BCAS3: variants seen among roughly 807,000 people sequenced by gnomAD.
BCAS3 encodes the protein BCAS4/BCAS3 fusion.
Under a neutral mutation model 116.1 loss-of-function variants are expected in BCAS3, and 53 were observed. The observed-to-expected ratio is 0.46, with a 90% CI of 0.37 to 0.57. BCAS3 has a LOEUF of 0.57. Among genes scored for constraint, BCAS3 ranks in the 20% least tolerant of loss-of-function variants. The pLI is 0.00. For missense variants in BCAS3, 917 were observed against 1,165.4 expected, an observed-to-expected ratio of 0.79 and a Z score of 3.10; for synonymous variants, 391 against 408.2, an observed-to-expected ratio of 0.96 and a Z score of 0.51.
rs530088619 is a variant in BCAS3 at position 61,333,470 on chromosome 17, C to G, written c.2426-34857C>G. 1.8e-4 allele frequency among the ~76,000 whole-genome samples: 27 copies of G among 152,192 alleles called. No homozygotes were observed. The highest frequency in any genetic ancestry group is 5.2e-4 in the Admixed American group (8 of 15,258). On this transcript the variant is annotated intron_variant, in intron 22 of 23. Coordinates refer to ENST00000407086, the MANE Select transcript of BCAS3 (RefSeq NM_017679.5). This position sits in a 1 kb window ranked among gnomAD's most constrained non-coding sequence, Gnocchi z 4.8. Reference sequence around the variant, plus strand: ...CATCACCAATAGCTCACCCTCCTGTCCACTCACATTGTGGCGCCCCCGACC... The same window carrying G: ...CATCACCAATAGCTCACCCTCCTGTGCACTCACATTGTGGCGCCCCCGACC...
intron 22 of BCAS3, among the ~76,000 whole-genome samples, chr17:61,283,761 AT>A (rs2051457055): frequency 6.6e-6 from 1 of 151,800 alleles, no homozygotes; most frequent in South Asian, 2.1e-4. Context: ...CCGTAAATTG[AT>A]TTTTTAAAAA....
rs555665552 is a variant in BCAS3, at chr17:61,151,001, GC to G, written c.2425+66439del. On this transcript the variant is annotated intron_variant, in intron 22 of 23. Coordinates refer to ENST00000407086, the MANE Select transcript of BCAS3 (RefSeq NM_017679.5). The surrounding 1 kb of genome is among the most constrained non-coding windows in gnomAD (Gnocchi z 4.8). ...TCTTTAATTCTGATAAGGCCCTGGA[GC>G]CACAGACTTCTGTGTAGCCACATCT... Among the ~76,000 whole-genome samples the G allele has an allele frequency of 6.6e-6, 1 of 152,156 alleles. No homozygotes were observed. The highest frequency in any genetic ancestry group is 1.5e-5 in the Non-Finnish European group (1 of 68,032).
chr17:61,138,519 A>C (rs2076764496), intron 22 of BCAS3, among the ~76,000 whole-genome samples: 1 of 152,244 alleles, frequency 6.6e-6, no homozygotes, highest in South Asian at 2.1e-4. Context: ...TTACTTCAAC[A>C]TTTCTGAACA....
rs1265687384 is a variant in BCAS3, at chr17:61,390,948, C to T, written c.2594-1029C>T. The stretch of plus-strand genomic sequence containing the variant: ...TCTACATATCTTGGCTTGGGGCAGG[C>T]TCCAGAGACTGCCCGGTGTGTGTGT... On this transcript the variant is annotated intron_variant, in intron 23 of 23. Coordinates refer to ENST00000407086, the MANE Select transcript of BCAS3 (RefSeq NM_017679.5). This position sits in a 1 kb window ranked among gnomAD's most constrained non-coding sequence, Gnocchi z 6.8. 2.0e-5 allele frequency: 3 copies of T among 152,222 alleles called. No individual in the cohort carries two copies. Among genetic ancestry groups the T allele is most frequent in the Non-Finnish European group, 4.4e-5 (3 of 68,054 alleles). The allele number at this position is 152,222 out of a possible 1,614,324, so 9.4% of individuals were successfully genotyped here.
chr17:60,924,321 G>C (rs2059256266), intron 12 of BCAS3, 86 bp from the exon 13 acceptor site: 2 of 1,094,994 alleles, frequency 1.8e-6, no homozygotes, highest in Admixed American at 3.6e-5. Flanking sequence ...TTGGTCAGTG[G>C]TTTGTGATGT....
In BCAS3 at chr17:61,032,083, C is replaced by A. The variant is rs1044939387; in HGVS notation, c.1638-2583C>A. Among the ~76,000 whole-genome samples the A allele has an allele frequency of 1.3e-5, 2 of 152,084 alleles. No homozygotes were observed. Among genetic ancestry groups the A allele is most frequent in the Admixed American group, 6.6e-5 (1 of 15,258 alleles). On this transcript the variant is annotated intron_variant, in intron 16 of 23. Coordinates refer to ENST00000407086, the MANE Select transcript of BCAS3 (RefSeq NM_017679.5). This position sits in a 1 kb window ranked among gnomAD's most constrained non-coding sequence, Gnocchi z 4.6. ...TCAAAAAACTAAATTGACGTCCTCT[C>A]ATTTTTCTACTTTTTATTATCATGT...
Position 61,307,905 on chromosome 17 carries a change from C to T in BCAS3, c.2426-60422C>T, listed in dbSNP as rs569361810. Among the ~76,000 whole-genome samples the T allele has an allele frequency of 2.0e-5, 3 of 151,832 alleles. No individual in the cohort carries two copies. The Middle Eastern group carries it at 0.01, about 516-fold the overall frequency. On this transcript the variant is annotated intron_variant, in intron 22 of 23. Coordinates refer to ENST00000407086, the MANE Select transcript of BCAS3 (RefSeq NM_017679.5). The surrounding 1 kb of genome is among the most constrained non-coding windows in gnomAD (Gnocchi z 4.7). ...TCTAACACAAATAATGTTACGTGAG[C>T]AACCCCAAACAGTATACACCTTGAC...
At position 61,105,447 on chromosome 17, in the gene BCAS3, A is replaced by G. The variant is rs1035664932; in HGVS notation, c.2425+20883A>G. 2.0e-5 allele frequency among the ~76,000 whole-genome samples: 3 copies of G among 152,138 alleles called. No homozygotes were observed. The highest frequency in any genetic ancestry group is 4.4e-5 in the Non-Finnish European group (3 of 68,022). On this transcript the variant is annotated intron_variant, in intron 22 of 23. Transcript: ENST00000407086. This position sits in a 1 kb window ranked among gnomAD's most constrained non-coding sequence, Gnocchi z 4.3. ...AGAATTTTTTTTATTTTTTTGAGAC[A>G]GAGTTTCGCTCTTGTTGCCCAGGCT...
At chr17:61,218,679 G>A (rs1487188874) in intron 22 of BCAS3, among the ~76,000 whole-genome samples, 1 of 152,152 alleles carries the variant, frequency 6.6e-6, no homozygotes, top group African/African-American at 2.4e-5. Flanking sequence ...TTAGTTTTGT[G>A]ATTAAATAGC....
chr17:61,236,551 A>C (rs1284610310), intron 22 of BCAS3, among the ~76,000 whole-genome samples: 1 of 151,956 alleles, frequency 6.6e-6, no homozygotes, highest in Non-Finnish European at 1.5e-5. Flanking sequence ...CGATCTCCTG[A>C]CCTCGTGATC....
chr17:60,972,603 C>A (rs2062035037), intron 14 of BCAS3, among the ~76,000 whole-genome samples: 1 of 151,856 alleles, frequency 6.6e-6, no homozygotes, highest in South Asian at 2.1e-4. Flanking sequence ...AGTTGCATAC[C>A]ACCATGCCCA....
At position 60,989,404 on chromosome 17, in the gene BCAS3, A is replaced by G. The variant is rs553394528; in HGVS notation, c.1222-567A>G. Among the ~76,000 whole-genome samples, 22 of 152,192 alleles carry G rather than the reference A, an allele frequency of 1.4e-4. 1 individual carries two copies. The highest frequency in any genetic ancestry group is 1.4e-3 in the Admixed American group (21 of 15,296). On this transcript the variant is annotated intron_variant, in intron 14 of 23. Transcript: ENST00000407086. Reference sequence around the variant, plus strand: ...ATACTGGAGATTCTTTATTCACTGTATGATAAGTGTCATACAAATTAACTT... The same window carrying G: ...ATACTGGAGATTCTTTATTCACTGTGTGATAAGTGTCATACAAATTAACTT...
At chr17:60,887,711 G>T (rs1482299107) in intron 9 of BCAS3, among the ~76,000 whole-genome samples, 1 of 152,072 alleles carries the variant, frequency 6.6e-6, no homozygotes, top group Non-Finnish European at 1.5e-5. Flanking sequence ...CTTTTTATTT[G>T]TCCTTGCCAG....
At chr17:60,973,585 TAA>T (rs1491150880) in intron 14 of BCAS3, among the ~76,000 whole-genome samples, 15 of 127,232 alleles carry the variant, frequency 1.2e-4, no homozygotes, top group African/African-American at 6.0e-4. Flanking sequence ...ACCTTATTAT[TAA>T]TATATATATA....
chr17:60,797,366 A>G, intron 6 of BCAS3, among the ~76,000 whole-genome samples: 1 of 150,992 alleles, frequency 6.6e-6, no homozygotes, highest in Admixed American at 6.6e-5. Flanking sequence ...ACTTTTATTT[A>G]TTTATTTATT....
At position 61,180,402 on chromosome 17, in the gene BCAS3, CA is replaced by C. The variant is rs2079410478; in HGVS notation, c.2425+95840del. Among the ~76,000 whole-genome samples, 1 of 152,132 alleles carries C rather than the reference CA, an allele frequency of 6.6e-6. No individual in the cohort carries two copies. Among genetic ancestry groups the C allele is most frequent in the African/African-American group, 2.4e-5 (1 of 41,418 alleles). ...AAGCTGTAATAAATAAACTCTAAGC[CA>C]ATGTACTGTTAAACTGGGAGCCACT... On this transcript the variant is annotated intron_variant, in intron 22 of 23. Transcript: ENST00000407086. This position sits in a 1 kb window ranked among gnomAD's most constrained non-coding sequence, Gnocchi z 6.0.
chr17:61,272,339 CAT>C (rs1302004807), intron 22 of BCAS3, among the ~76,000 whole-genome samples: 2 of 151,966 alleles, frequency 1.3e-5, no homozygotes, highest in Non-Finnish European at 2.9e-5. Context: ...TGTTTAAAAA[CAT>C]GTAATTTTGC....
chr17:61,045,169 A>G (rs1025291304), intron 19 of BCAS3, among the ~76,000 whole-genome samples: 1 of 151,978 alleles, frequency 6.6e-6, no homozygotes, highest in Non-Finnish European at 1.5e-5. Context: ...GACTTCTGGG[A>G]CTTTTGGTAC....
intron 22 of BCAS3, among the ~76,000 whole-genome samples, chr17:61,280,417 G>T (rs1044475906): frequency 6.6e-6 from 1 of 152,150 alleles, no homozygotes; most frequent in African/African-American, 2.4e-5. Context: ...GTCCAACTTG[G>T]GGAGGTCATC....
Sources: gnomAD v4.1 joint callset for allele counts (sites outside exome capture counted in the v4.1 genomes callset) on GRCh38, gnomAD v4.1.1 for gene constraint, Gnocchi (gnomAD v3.1) non-coding constraint, MANE v1.5 for transcripts, NCBI Gene and HGNC (gene_info 2026-07-23, HGNC 2026-07-21) for gene names.